The following NR2E1 variants were observed in gnomAD, a reference collection of about 807,000 sequenced individuals.
NR2E1 encodes the protein nuclear receptor TLX.
NR2E1 carries 5 observed loss-of-function variants against 43.6 expected under a neutral mutation model. The observed-to-expected ratio is 0.11, with a 90% CI of 0.06 to 0.24. NR2E1 has a LOEUF of 0.24. Ranked by LOEUF, NR2E1 falls within the 10% of genes least tolerant of loss-of-function variation. The pLI, the probability that NR2E1 is intolerant of heterozygous loss-of-function variation, is 1.00. For synonymous variants in NR2E1, 191 were observed against 195.5 expected, an observed-to-expected ratio of 0.98 and a Z score of 0.19; for missense variants, 287 against 496.7, an observed-to-expected ratio of 0.58 and a Z score of 4.01.
chr6:108,168,078 G>A lies in NR2E1; in HGVS notation c.25+1288G>A, dbSNP rs777717946. The A allele has an allele frequency of 2.5e-6, 4 of 1,603,804 alleles. No homozygotes were observed. The African/African-American group carries it at 5.3e-5, about 21-fold the overall frequency. ...AGAGAAGGAGCCCTCACCGCGGCCG[G>A]AATGCAGAGCGGACCCTGGCCCAGG... On this transcript the variant is annotated intron_variant, in intron 1 of 8. Coordinates refer to ENST00000368986, the MANE Select transcript of NR2E1 (RefSeq NM_003269.5).
intron 8 of NR2E1, among the ~76,000 whole-genome samples, chr6:108,182,948 A>G (rs1157031151): frequency 6.6e-6 from 1 of 151,810 alleles, no homozygotes; most frequent in East Asian, 1.9e-4. Flanking sequence ...TGATCCTCCC[A>G]CCTAAGTCTC....
In NR2E1 at chr6:108,180,678, T is replaced by C; in HGVS notation, c.740-129T>C. On this transcript the variant is annotated intron_variant, in intron 6 of 8. Transcript: ENST00000368986. The surrounding 1 kb of genome is among the most constrained non-coding windows in gnomAD (Gnocchi z 5.4). ...ATTAACTTTCATACAATATAGCCGGTTTACATGGAATCAGATATCTTAGAG... is the reference window on the plus strand; with the variant it reads ...ATTAACTTTCATACAATATAGCCGGCTTACATGGAATCAGATATCTTAGAG... The C allele has an allele frequency of 1.1e-6, 1 of 910,978 alleles. No individual in the cohort carries two copies. The highest frequency in any genetic ancestry group is 1.7e-6 in the Non-Finnish European group (1 of 571,998). The allele number at this position is 910,978 out of a possible 1,614,324, so 56.4% of individuals were successfully genotyped here. A position where few individuals can be genotyped will look rare whatever the true frequency, so the allele number is the denominator to read the frequency against.
chr6:108,175,241 C>T (rs550658741), intron 3 of NR2E1, among the ~76,000 whole-genome samples: 1 of 152,364 alleles, frequency 6.6e-6, no homozygotes, highest in African/African-American at 2.4e-5. Context: ...GTCCTAATCC[C>T]TCTTTGCAGC....
chr6:108,173,618 A>G (rs2114673771), intron 2 of NR2E1, among the ~76,000 whole-genome samples: 1 of 152,366 alleles, frequency 6.6e-6, no homozygotes, highest in African/African-American at 2.4e-5. Flanking sequence ...GAAGAAAAAC[A>G]TACTTACTCC....
At chr6:108,186,414 A>T (rs1357353495) in intron 8 of NR2E1, among the ~76,000 whole-genome samples, 3 of 151,996 alleles carry the variant, frequency 2.0e-5, no homozygotes, top group Non-Finnish European at 4.4e-5. Context: ...CAGCCACCTG[A>T]CTCCTTCGAA....
In NR2E1 at chr6:108,187,606, A is replaced by C; in HGVS notation, c.*143A>C. ...CAGGAAAAAAATGCCAATTGACACAAAGCATTCCAGTAGCTATGACCTGCC... is the reference window on the plus strand; with the variant it reads ...CAGGAAAAAAATGCCAATTGACACACAGCATTCCAGTAGCTATGACCTGCC... On this transcript the variant is annotated 3_prime_UTR_variant, in exon 9 of 9. Coordinates refer to ENST00000368986, the MANE Select transcript of NR2E1 (RefSeq NM_003269.5). The C allele has an allele frequency of 2.2e-6, 2 of 914,310 alleles. No homozygotes were observed. The highest frequency in any genetic ancestry group is 3.5e-6 in the Non-Finnish European group (2 of 572,040). 56.6% of individuals were successfully genotyped at this position (914,310 alleles called of 1,614,324 possible).
chr6:108,179,844 G>A (rs1300805801), intron 5 of NR2E1, among the ~76,000 whole-genome samples: 2 of 152,074 alleles, frequency 1.3e-5, no homozygotes, highest in African/African-American at 4.8e-5. Flanking sequence ...ATTTCCCCCA[G>A]TGCCTCTTGG....
At position 108,180,316 on chromosome 6, in the gene NR2E1, AT is replaced by A. The variant is rs778747048; in HGVS notation, c.643-6del. The A allele has an allele frequency of 6.4e-7, 1 of 1,562,056 alleles. No homozygotes were observed. The highest frequency in any genetic ancestry group is 2.2e-5 in the East Asian group (1 of 44,580). Reference sequence around the variant, plus strand: ...CTATATTATATTATACATCTATTGTATGACAGCTGATGCTTTTGGAAGATGC... The same window carrying A: ...CTATATTATATTATACATCTATTGTAGACAGCTGATGCTTTTGGAAGATGC... On this transcript the variant is annotated splice_region_variant and splice_polypyrimidine_tract_variant and intron_variant, in intron 5 of 8. Transcript: ENST00000368986. This position sits in a 1 kb window ranked among gnomAD's most constrained non-coding sequence, Gnocchi z 5.4.
chr6:108,184,648 G>A (rs1774045451), intron 8 of NR2E1, among the ~76,000 whole-genome samples: 2 of 149,780 alleles, frequency 1.3e-5, no homozygotes, highest in South Asian at 4.1e-4. Flanking sequence ...GAGCTGGTAG[G>A]GGTCCTGTGG....
chr6:108,171,881 A>G (rs1249018583), intron 2 of NR2E1, among the ~76,000 whole-genome samples: 3 of 152,138 alleles, frequency 2.0e-5, no homozygotes, highest in Non-Finnish European at 4.4e-5. Flanking sequence ...AGATTTTGAC[A>G]CTGGGTAAGG....
At chr6:108,181,503 A>G (rs1299386257) in intron 7 of NR2E1, 43 bp from the exon 8 acceptor site, 2 of 1,541,052 alleles carry the variant, frequency 1.3e-6, no homozygotes, top group Admixed American at 1.7e-5. Context: ...CCCAGATGCA[A>G]TTTCTATGCT....
intron 8 of NR2E1, among the ~76,000 whole-genome samples, chr6:108,185,962 G>A (rs1007989947): frequency 7.9e-5 from 12 of 152,122 alleles, no homozygotes; most frequent in African/African-American, 2.2e-4. Context: ...GGCAGAGGTC[G>A]TCCAGGCAGC....
chr6:108,171,016 G>A (rs1582441936), intron 1 of NR2E1, among the ~76,000 whole-genome samples: 1 of 152,152 alleles, frequency 6.6e-6, no homozygotes, highest in East Asian at 1.9e-4. Context: ...GGTTCCAGCC[G>A]TGTTTGTTTT....
At chr6:108,186,742 G>T (rs1774082479) in intron 8 of NR2E1, among the ~76,000 whole-genome samples, 1 of 152,184 alleles carries the variant, frequency 6.6e-6, no homozygotes. Context: ...TCATTGACAT[G>T]AGAGTTGGGT....
chr6:108,174,710 C>A (rs1201713033), intron 2 of NR2E1, 126 bp from the exon 3 acceptor site: 5 of 748,388 alleles, frequency 6.7e-6, no homozygotes, highest in African/African-American at 5.2e-5. Context: ...CAGGCCCAGG[C>A]TCGGGGCTCC....
Position 108,187,307 on chromosome 6 carries a change from C to T in NR2E1, c.1002C>T (p.Pro334=). ...TLNSYIHTRY[P]TQPCRFGKLL... ...ATGGCTTCTCACATTCCAGATATCC[C>T]ACTCAACCCTGTCGCTTTGGAAAAC... Residue 334 remains proline, a synonymous_variant, in exon 9 of 9, where the codon CCC becomes CCT. Coordinates refer to ENST00000368986, the MANE Select transcript of NR2E1 (RefSeq NM_003269.5). 1 of 1,614,210 alleles carries T rather than the reference C, an allele frequency of 6.2e-7. No homozygotes were observed. The highest frequency in any genetic ancestry group is 8.5e-7 in the Non-Finnish European group (1 of 1,180,038).
At chr6:108,177,905 A>G (rs1773925324) in intron 4 of NR2E1, among the ~76,000 whole-genome samples, 190 bp from the exon 5 acceptor site, 1 of 152,190 alleles carries the variant, frequency 6.6e-6, no homozygotes, top group Non-Finnish European at 1.5e-5. Flanking sequence ...CCCAACCAGT[A>G]TTACTTTTCA....
intron 4 of NR2E1, among the ~76,000 whole-genome samples, chr6:108,176,953 G>C (rs991000448): frequency 1.3e-5 from 2 of 152,178 alleles, no homozygotes; most frequent in African/African-American, 4.8e-5. Context: ...CCTCCGAGTG[G>C]CTACAAGTGT....
chr6:108,183,272 G>C (rs954099012), intron 8 of NR2E1, among the ~76,000 whole-genome samples: 4 of 151,614 alleles, frequency 2.6e-5, no homozygotes. Flanking sequence ...GCCAAGGCAG[G>C]CAGTTCACTT....
Sources: allele counts gnomAD v4.1 joint callset (sites outside exome capture counted in the v4.1 genomes callset), GRCh38; gene constraint gnomAD v4.1.1; non-coding constraint Gnocchi (gnomAD v3.1); transcripts MANE v1.5; gene names NCBI Gene and HGNC (gene_info 2026-07-23, HGNC 2026-07-21).